The following TF variants were observed in gnomAD, a reference collection of about 807,000 sequenced individuals.
TF encodes the protein serotransferrin.
Under a neutral mutation model 82.4 loss-of-function variants are expected in TF, and 55 were observed. The ratio of observed to expected loss-of-function variants is 0.67; its 90% CI spans 0.54 to 0.84. TF has a LOEUF of 0.84. TF is among the 40% of genes least tolerant of loss of function. The pLI, the probability that TF is intolerant of heterozygous loss-of-function variation, is 0.00. For missense variants in TF, 737 were observed against 868.4 expected (o/e 0.85, Z 1.90); for synonymous variants, 332 against 332.6 (o/e 1.00, Z 0.02).
the TF span, among the ~76,000 whole-genome samples, chr3:133,738,916 C>A: frequency 6.6e-6 from 1 of 152,106 alleles, no homozygotes; most frequent in East Asian, 1.9e-4. Flanking sequence ...TCAATGCTAT[C>A]CCCATCAAGT....
the TF span, among the ~76,000 whole-genome samples, chr3:133,663,449 C>A: frequency 4.2e-5 from 6 of 144,574 alleles, no homozygotes; most frequent in Non-Finnish European, 9.0e-5. Flanking sequence ...GTGAAGAAAG[C>A]CTTAAAAGCA....
the TF span, among the ~76,000 whole-genome samples, chr3:133,691,303 T>G: frequency 1.3e-5 from 2 of 152,152 alleles, no homozygotes; most frequent in African/African-American, 4.8e-5. Flanking sequence ...TTCTTATGGA[T>G]GGAAATATTC....
In TF at chr3:133,757,004, GC is replaced by G; in HGVS notation, c.868del (p.Gln290ArgfsTer33). On this transcript the variant is annotated frameshift_variant, in exon 7 of 17. Coordinates refer to ENST00000402696, the MANE Select transcript of TF (RefSeq NM_001063.4). LOFTEE classifies it high-confidence loss of function. ...EDLIWELLNQAQEHFGKDKSK... is the reference protein window; with the variant it reads ...EDLIWELLNQXQEHFGKDKSK... The stretch of plus-strand genomic sequence containing the variant: ...CTTGATCTGGGAGCTTCTCAACCAG[GC>G]CCAGGTATCCCCACCTGCCATCCTC... The G allele has an allele frequency of 1.9e-6, 3 of 1,614,148 alleles. No individual in the cohort carries two copies. Among genetic ancestry groups the G allele is most frequent in the Non-Finnish European group, 2.5e-6 (3 of 1,180,038 alleles).
chr3:133,754,518 G>T lies in TF; in HGVS notation c.349G>T (p.Val117Phe). Residue 117 changes from valine to phenylalanine, a missense_variant, in exon 4 of 17, where the codon GTT (valine) becomes TTT (phenylalanine). Physicochemically the swap from Val to Phe is conservative, Grantham distance 50. Transcript: ENST00000402696. The stretch of plus-strand genomic sequence containing the variant: ...AGATCCACAGACTTTCTATTATGCT[G>T]TTGCTGTGGTGAAGAAGGATAGTGG... ...KEDPQTFYYA[V>F]AVVKKDSGFQ... The T allele has an allele frequency of 6.2e-7, 1 of 1,614,186 alleles. No homozygotes were observed. Among genetic ancestry groups the T allele is most frequent in the South Asian group, 1.1e-5 (1 of 91,086 alleles).
At chr3:133,746,025 G>C (rs1933486800), upstream of TF, 1 of 305,926 alleles carries the variant, frequency 3.3e-6, no homozygotes, top group African/African-American at 2.2e-5. Flanking sequence ...TCCAGCCTCG[G>C]AGTCTTCCTC....
chr3:133,755,575 C>A, intron 5 of TF, 80 bp downstream of exon 5: 1 of 1,592,210 alleles, frequency 6.3e-7, no homozygotes, highest in Non-Finnish European at 8.5e-7. Context: ...GGTCCAAAGC[C>A]GAGCCCTGCC....
In TF at chr3:133,783,512, A is replaced by G. The variant is rs1363327002; in HGVS notation, c.*4892A>G. 1 of 152,256 alleles carries G rather than the reference A, an allele frequency of 6.6e-6. No homozygotes were observed. The highest frequency in any genetic ancestry group is 1.5e-5 in the Non-Finnish European group (1 of 68,048). 9.4% of individuals were successfully genotyped at this position (152,256 alleles called of 1,614,324 possible). A position where few individuals can be genotyped will look rare whatever the true frequency, so the allele number is the denominator to read the frequency against. On this transcript the variant is annotated 3_prime_UTR_variant, in exon 17 of 17. Coordinates refer to ENST00000402696, the MANE Select transcript of TF (RefSeq NM_001063.4). ...TCGTAAAAACAATTACTATGTTAACATATTTCTTATATAGTACTTAGATTT... is the reference window on the plus strand; with the variant it reads ...TCGTAAAAACAATTACTATGTTAACGTATTTCTTATATAGTACTTAGATTT...
intron 9 of TF, among the ~76,000 whole-genome samples, chr3:133,763,582 G>A (rs575120738): frequency 4.6e-5 from 7 of 152,090 alleles, no homozygotes; most frequent in Non-Finnish European, 8.8e-5. Flanking sequence ...GTTCTTTTAT[G>A]GTTTATTACT....
chr3:133,701,263 G>T, the TF span: 76 of 152,322 alleles, frequency 5.0e-4, no homozygotes, highest in African/African-American at 1.7e-3. Flanking sequence ...AAAACTTGAA[G>T]ACATGATTGC....
chr3:133,724,502 G>T, the TF span, among the ~76,000 whole-genome samples: 1 of 152,152 alleles, frequency 6.6e-6, no homozygotes, highest in African/African-American at 2.4e-5. Flanking sequence ...TGATGGGGTT[G>T]TTTGGTTTTT....
the TF span, among the ~76,000 whole-genome samples, chr3:133,709,861 G>A: frequency 2.0e-5 from 3 of 152,304 alleles, no homozygotes; most frequent in South Asian, 6.2e-4. Context: ...TGCTTCTGAG[G>A]GAAATACCTT....
At position 133,759,282 on chromosome 3, in the gene TF, G is replaced by C; in HGVS notation, c.1156G>C (p.Glu386Gln). The change falls in exon 9 of 17, where the codon GAG becomes CAG. Residue 386 changes from glutamate to glutamine, a missense_variant. By Grantham distance (29) the Glu-to-Gln change is conservative. Coordinates refer to ENST00000402696, the MANE Select transcript of TF (RefSeq NM_001063.4). ...EWSVNSVGKI[E>Q]CVSAETTEDC... ...GAGTGTTAACAGTGTAGGGAAAATA[G>C]AGTGTGTATCAGCAGAGACCACCGA... 1 of 1,613,874 alleles carries C rather than the reference G, an allele frequency of 6.2e-7. No individual in the cohort carries two copies.
the TF span, among the ~76,000 whole-genome samples, chr3:133,713,445 G>A: frequency 2.6e-5 from 4 of 152,208 alleles, no homozygotes; most frequent in African/African-American, 9.7e-5. Context: ...TCCCCAGAGG[G>A]TGTTGAAAAG....
At position 133,787,921 on chromosome 3, in the gene TF, C is replaced by T. The variant is rs1034502560; in HGVS notation, c.*9301C>T. On this transcript the variant is annotated 3_prime_UTR_variant, in exon 17 of 17. Coordinates refer to ENST00000402696, the MANE Select transcript of TF (RefSeq NM_001063.4). ...TTATAAAAAGACTATCTTCTGAAAA[C>T]GACTTTTGGAAGTGAAATGATAACA... The T allele has an allele frequency of 2.0e-5, 3 of 152,106 alleles. No individual in the cohort carries two copies. Among genetic ancestry groups the T allele is most frequent in the African/African-American group, 7.2e-5 (3 of 41,422 alleles). The allele number at this position is 152,106 out of a possible 1,614,324, so 9.4% of individuals were successfully genotyped here. A position where few individuals can be genotyped will look rare whatever the true frequency, so the allele number is the denominator to read the frequency against.
chr3:133,673,409 ATACAGT>A, the TF span, among the ~76,000 whole-genome samples: 1 of 152,250 alleles, frequency 6.6e-6, no homozygotes, highest in Non-Finnish European at 1.5e-5. Flanking sequence ...CAGATAGAAA[ATACAGT>A]TAAAATTATA....
chr3:133,697,999 A>T, the TF span, among the ~76,000 whole-genome samples: 1 of 152,032 alleles, frequency 6.6e-6, no homozygotes, highest in East Asian at 1.9e-4. Context: ...CCACATCCTC[A>T]CTCCTGTGAT....
chr3:133,664,418 G>T, the TF span, among the ~76,000 whole-genome samples: 1 of 152,158 alleles, frequency 6.6e-6, no homozygotes, highest in South Asian at 2.1e-4. Context: ...CACCCCCGGG[G>T]TTCAAGCGAT....
chr3:133,740,909 TG>T, the TF span, among the ~76,000 whole-genome samples: 4 of 147,044 alleles, frequency 2.7e-5, no homozygotes, highest in Non-Finnish European at 4.5e-5. Context: ...GCATTTTTCA[TG>T]TTTTTTTTTT....
intron 9 of TF, 133 bp downstream of exon 9, chr3:133,759,462 G>T (rs1933928382): frequency 2.8e-6 from 3 of 1,084,138 alleles, no homozygotes; most frequent in Non-Finnish European, 4.2e-6. Flanking sequence ...GACTATGTGA[G>T]CACAGCCCCA....
Sources: gnomAD v4.1 joint callset for allele counts (sites outside exome capture counted in the v4.1 genomes callset) on GRCh38, gnomAD v4.1.1 for gene constraint, MANE v1.5 for transcripts, NCBI Gene and HGNC (gene_info 2026-07-23, HGNC 2026-07-21) for gene names.